Variants in NRCAM observed in about 807,000 individuals in gnomAD.
NRCAM encodes neuronal cell adhesion molecule.
NRCAM carries 83 observed loss-of-function variants against 156.5 expected under a neutral mutation model. The observed-to-expected ratio is 0.53, with a 90% CI of 0.44 to 0.64. The LOEUF is 0.64. NRCAM is among the 30% of genes least tolerant of loss of function. The pLI, the probability that NRCAM is intolerant of heterozygous loss-of-function variation, is 0.00. For synonymous variants in NRCAM, 538 were observed against 563.9 expected (o/e 0.95, Z 0.65); for missense variants, 1,417 against 1,597.3 (o/e 0.89, Z 1.92).
chr7:108,223,885 C>A, intron 10 of NRCAM, 49 bp from the exon 11 acceptor site: 2 of 857,618 alleles, frequency 2.3e-6, no homozygotes, highest in Non-Finnish European at 4.0e-6. Context: ...ATATGTATTT[C>A]TATAAACACT....
At chr7:108,214,763 T>A (rs2086941997) in intron 11 of NRCAM, among the ~76,000 whole-genome samples, 1 of 152,230 alleles carries the variant, frequency 6.6e-6, no homozygotes, top group South Asian at 2.1e-4. Context: ...CTCTAAACAC[T>A]GCTTTAGCTG....
chr7:108,240,211 A>G (rs931336045), intron 3 of NRCAM, 41 bp from the exon 4 acceptor site: 1 of 555,286 alleles, frequency 1.8e-6, no homozygotes, highest in Admixed American at 3.2e-5. Flanking sequence ...ATAATGTATT[A>G]AAAAGAAGGA....
chr7:108,211,463 G>A (rs756991625), intron 11 of NRCAM, among the ~76,000 whole-genome samples: 6 of 152,146 alleles, frequency 3.9e-5, no homozygotes, highest in South Asian at 2.1e-4. Context: ...TTCTTTTGCC[G>A]CTGGGAGGTG....
At chr7:108,443,301 C>T (rs1392202552) in intron 1 of NRCAM, among the ~76,000 whole-genome samples, 2 of 152,098 alleles carry the variant, frequency 1.3e-5, no homozygotes, top group Admixed American at 1.3e-4. Context: ...GAATGAAGAA[C>T]AGACATTCAC....
At chr7:108,170,007 T>C (rs1396467761) in intron 28 of NRCAM, among the ~76,000 whole-genome samples, 1 of 152,180 alleles carries the variant, frequency 6.6e-6, no homozygotes, top group Non-Finnish European at 1.5e-5. Context: ...CAGAGTTTCT[T>C]CTCTAAACTG....
intron 2 of NRCAM, among the ~76,000 whole-genome samples, chr7:108,367,568 G>A (rs754529462): frequency 2.0e-5 from 3 of 152,126 alleles, no homozygotes; most frequent in African/African-American, 4.8e-5. Context: ...CAGCTATTTT[G>A]TAAGCAGAGT....
chr7:108,423,471 G>A (rs746538823), intron 1 of NRCAM, among the ~76,000 whole-genome samples: 5 of 152,026 alleles, frequency 3.3e-5, no homozygotes, highest in African/African-American at 4.8e-5. Context: ...AGTGAATGAC[G>A]AGATAAAAAT....
At chr7:108,395,243 G>C (rs577317140) in intron 2 of NRCAM, among the ~76,000 whole-genome samples, 84 of 152,288 alleles carry the variant, frequency 5.5e-4, no homozygotes, top group South Asian at 1.0e-3. Context: ...TAGTGCAGTA[G>C]CTAGGGTTCA....
chr7:108,301,574 T>A (rs966862221), intron 3 of NRCAM, among the ~76,000 whole-genome samples: 2 of 152,156 alleles, frequency 1.3e-5, no homozygotes, highest in Non-Finnish European at 2.9e-5. Context: ...CTGGGAAAAA[T>A]TTTTAAAGTG....
rs578034950 is a variant in NRCAM at position 108,184,676 on chromosome 7, G to T, written c.2036-62C>A. On this transcript the variant is annotated intron_variant, in intron 20 of 32. Coordinates refer to ENST00000379028, the MANE Select transcript of NRCAM (RefSeq NM_001037132.4). ...GAATTCAGTCAACTCAGGGGTAGCT[G>T]CCAGCAATAACTAACAGGGCAACCC... 763 of 1,457,622 alleles carry T rather than the reference G, an allele frequency of 5.2e-4. 3 individuals are homozygous for T. Among genetic ancestry groups the T allele is most frequent in the Non-Finnish European group, 3.2e-4 (341 of 1,065,958 alleles). 90.3% of individuals were successfully genotyped at this position (1,457,622 alleles called of 1,614,324 possible).
chr7:108,219,394 C>T (rs562043687), intron 11 of NRCAM, among the ~76,000 whole-genome samples: 1 of 151,958 alleles, frequency 6.6e-6, no homozygotes, highest in African/African-American at 2.4e-5. Flanking sequence ...AAGGACATAA[C>T]CAAAAAAAGA....
At chr7:108,182,238 A>C (rs1314932636) in intron 23 of NRCAM, among the ~76,000 whole-genome samples, 1 of 152,172 alleles carries the variant, frequency 6.6e-6, no homozygotes, top group African/African-American at 2.4e-5. Context: ...CCCTTGAACA[A>C]CACGGGTTTG....
intron 2 of NRCAM, among the ~76,000 whole-genome samples, chr7:108,385,123 C>T (rs532909938): frequency 5.3e-5 from 8 of 152,252 alleles, no homozygotes; most frequent in South Asian, 4.1e-4. Flanking sequence ...CAACTTAAGG[C>T]GTTATGAGGA....
chr7:108,298,743 A>G (rs563706733), intron 3 of NRCAM, among the ~76,000 whole-genome samples: 61 of 152,006 alleles, frequency 4.0e-4, no homozygotes, highest in African/African-American at 1.4e-3. Flanking sequence ...TTCTGCTTGA[A>G]TCTAAGGATT....
intron 2 of NRCAM, among the ~76,000 whole-genome samples, chr7:108,350,897 C>T (rs1294411656): frequency 6.6e-6 from 1 of 152,038 alleles, no homozygotes; most frequent in Non-Finnish European, 1.5e-5. Flanking sequence ...TGATTGGGAT[C>T]CCCAATAGTA....
At chr7:108,158,435 G>C (rs111799427) in intron 32 of NRCAM, among the ~76,000 whole-genome samples, 5 of 152,072 alleles carry the variant, frequency 3.3e-5, no homozygotes, top group African/African-American at 1.2e-4. Context: ...TTATCCTTAG[G>C]ATTATGTCAC....
intron 1 of NRCAM, among the ~76,000 whole-genome samples, chr7:108,434,062 T>A (rs10280579): frequency 0.9 from 137,068 of 152,268 alleles, 62,134 homozygotes; most frequent in East Asian, 1. Context: ...ATTGCTCTAG[T>A]AATTGACCAA....
intron 2 of NRCAM, among the ~76,000 whole-genome samples, chr7:108,387,272 G>C (rs1458258852): frequency 6.6e-6 from 1 of 152,060 alleles, no homozygotes; most frequent in Admixed American, 6.6e-5. Flanking sequence ...GGGACTAAAA[G>C]TATGGAATTA....
intron 8 of NRCAM, among the ~76,000 whole-genome samples, chr7:108,227,852 G>C (rs1589147475): frequency 6.6e-6 from 1 of 152,180 alleles, no homozygotes; most frequent in African/African-American, 2.4e-5. Flanking sequence ...GCAAAATTAT[G>C]GTTAAAAGTC....
Sources: gnomAD v4.1 joint callset for allele counts (sites outside exome capture counted in the v4.1 genomes callset) on GRCh38, gnomAD v4.1.1 for gene constraint, MANE v1.5 for transcripts, NCBI Gene and HGNC (gene_info 2026-07-23, HGNC 2026-07-21) for gene names.